FHOD3: variants seen among roughly 807,000 people sequenced by gnomAD.
FHOD3 encodes formin homology 2 domain containing 3, also known as FH1/FH2 domain-containing protein 3.
FHOD3 carries 90 observed loss-of-function variants against 173.0 expected under a neutral mutation model. The ratio of observed to expected loss-of-function variants is 0.52; its 90% CI spans 0.44 to 0.62. FHOD3 has a LOEUF of 0.62. Ranked by LOEUF, FHOD3 falls within the 20% of genes least tolerant of loss-of-function variation. The probability of loss-of-function intolerance (pLI) is 0.00; values close to 1 mark genes in which losing one functional copy is unlikely to be tolerated. For missense variants in FHOD3, 1,945 were observed against 2,034.7 expected, an observed-to-expected ratio of 0.96 and a Z score of 0.85; for synonymous variants, 828 against 823.0, an observed-to-expected ratio of 1.01 and a Z score of -0.10.
chr18:36,570,320 C>A (rs1192218284), intron 5 of FHOD3, among the ~76,000 whole-genome samples: 1 of 151,986 alleles, frequency 6.6e-6, no homozygotes, highest in Non-Finnish European at 1.5e-5. Context: ...TCCTTAAAAA[C>A]CACAAACTAC....
chr18:36,548,565 C>T (rs1204421774), intron 5 of FHOD3, among the ~76,000 whole-genome samples: 3 of 152,214 alleles, frequency 2.0e-5, no homozygotes, highest in Admixed American at 6.5e-5. Context: ...TCTGCTTCAA[C>T]GACTTGGGAT....
At chr18:36,775,457 A>G (rs1184413411) in intron 28 of FHOD3, among the ~76,000 whole-genome samples, 1 of 152,014 alleles carries the variant, frequency 6.6e-6, no homozygotes, top group Non-Finnish European at 1.5e-5. Context: ...CTTCTCTACC[A>G]CTAAGTGTGA....
intron 2 of FHOD3, among the ~76,000 whole-genome samples, chr18:36,370,407 G>A (rs770784034): frequency 1.3e-5 from 2 of 151,912 alleles, no homozygotes; most frequent in African/African-American, 4.8e-5. Flanking sequence ...CTCGGCATCC[G>A]GAAAAGATGA....
chr18:36,378,339 A>G (rs2047550362), intron 3 of FHOD3, among the ~76,000 whole-genome samples: 1 of 152,176 alleles, frequency 6.6e-6, no homozygotes. Context: ...TTTCTAGGTA[A>G]GAATGAGCTC....
chr18:36,509,896 C>T (rs868403419), intron 4 of FHOD3, among the ~76,000 whole-genome samples: 1 of 152,154 alleles, frequency 6.6e-6, no homozygotes, highest in Non-Finnish European at 1.5e-5. Flanking sequence ...GAAGAAGCTG[C>T]TTGTTACTAG....
At chr18:36,407,469 C>T (rs1346899823) in intron 3 of FHOD3, among the ~76,000 whole-genome samples, 1 of 152,100 alleles carries the variant, frequency 6.6e-6, no homozygotes, top group Non-Finnish European at 1.5e-5. Flanking sequence ...TTGTTATGAC[C>T]CTCACACTCA....
intron 3 of FHOD3, among the ~76,000 whole-genome samples, chr18:36,383,739 G>T (rs1160732986): frequency 6.6e-6 from 1 of 152,212 alleles, no homozygotes; most frequent in Non-Finnish European, 1.5e-5. Context: ...CTATGAATCA[G>T]AATTACTGTT....
intron 5 of FHOD3, among the ~76,000 whole-genome samples, chr18:36,571,079 C>CACAA (rs373537581): frequency 3.2e-4 from 49 of 152,172 alleles, no homozygotes; most frequent in African/African-American, 1.2e-3. Context: ...TGTTCTTTTT[C>CACAA]ACAAACAGCA....
intron 9 of FHOD3, among the ~76,000 whole-genome samples, chr18:36,620,095 G>A (rs970326589): frequency 2.6e-5 from 4 of 152,148 alleles, no homozygotes; most frequent in African/African-American, 7.2e-5. Flanking sequence ...TTAAGAAAAC[G>A]AATGAATGAG....
At position 36,625,680 on chromosome 18, in the gene FHOD3, C is replaced by T. The variant is rs2034049400; in HGVS notation, c.1127C>T (p.Ala376Val). 1.2e-6 allele frequency: 2 copies of T among 1,611,900 alleles called. No individual in the cohort carries two copies. Among genetic ancestry groups the T allele is most frequent in the Admixed American group, 1.7e-5 (1 of 59,832 alleles). Residue 376 changes from alanine (A) to valine (V), a missense_variant, in exon 10 of 29, where the codon GCC becomes GTC. Physicochemically the swap from Ala to Val is moderately conservative, Grantham distance 64. Around this residue, in one of 5 missense-constraint regions of FHOD3, gnomAD observed 1,099 missense variants for 1,051.2 expected, o/e 1.05. Transcript: ENST00000590592. ...SVQSIKSTLS[A>V]PTSPCSQSAP... ...CAGAGCATCAAGAGCACCCTGTCGG[C>T]CCCCACCAGTCCCTGCTCCCAGTCA...
intron 1 of FHOD3, among the ~76,000 whole-genome samples, chr18:36,303,820 G>C (rs2092018931): frequency 6.6e-6 from 1 of 152,016 alleles, no homozygotes; most frequent in Non-Finnish European, 1.5e-5. Context: ...TCAGAGTCTT[G>C]GGTTTGTCAG....
chr18:36,423,620 G>C (rs999151099), intron 3 of FHOD3, among the ~76,000 whole-genome samples: 1 of 152,154 alleles, frequency 6.6e-6, no homozygotes, highest in East Asian at 1.9e-4. Context: ...CCATAGAGGG[G>C]CTGTGTGCAG....
intron 1 of FHOD3, among the ~76,000 whole-genome samples, chr18:36,345,974 A>G (rs1378818636): frequency 6.6e-6 from 1 of 152,216 alleles, no homozygotes; most frequent in East Asian, 1.9e-4. Flanking sequence ...ATGCCAATGC[A>G]CCTGTGGGAT....
chr18:36,602,530 C>A, intron 7 of FHOD3, 144 bp from the exon 8 acceptor site: 1 of 704,186 alleles, frequency 1.4e-6, no homozygotes, highest in South Asian at 1.6e-5. Flanking sequence ...CAAATCCATC[C>A]TAAGGATAAT....
intron 13 of FHOD3, 62 bp from the exon 14 acceptor site, chr18:36,658,006 GTCTTATT>G: frequency 3.4e-6 from 4 of 1,166,844 alleles, no homozygotes; most frequent in Admixed American, 3.8e-5. Flanking sequence ...GGTTTGCTAA[GTCTTATT>G]TACTGACTTG....
At chr18:36,305,569 G>A (rs1323966488) in intron 1 of FHOD3, among the ~76,000 whole-genome samples, 1 of 152,270 alleles carries the variant, frequency 6.6e-6, no homozygotes, top group Non-Finnish European at 1.5e-5. Context: ...ACCAGAGTGT[G>A]TGGGACAAGC....
chr18:36,664,863 G>T (rs568745178), intron 14 of FHOD3, among the ~76,000 whole-genome samples: 4 of 151,404 alleles, frequency 2.6e-5, no homozygotes, highest in Admixed American at 2.0e-4. Context: ...TGGGCTGGGC[G>T]CAGTAGCTCA....
rs778590885 is a variant in FHOD3 at position 36,718,428 on chromosome 18, A to T, written c.3130A>T (p.Ile1044Phe). The T allele has an allele frequency of 7.4e-7, 1 of 1,344,606 alleles. No individual in the cohort carries two copies. Among genetic ancestry groups the T allele is most frequent in the South Asian group, 1.2e-5 (1 of 86,786 alleles). 83.3% of individuals were successfully genotyped at this position (1,344,606 alleles called of 1,614,324 possible). Residue 1044 changes from isoleucine (I) to phenylalanine (F), a missense_variant, in exon 19 of 29, where the codon ATT (isoleucine) becomes TTT (phenylalanine). By Grantham distance (21) the Ile-to-Phe change is conservative (BLOSUM62 0). Coordinates refer to ENST00000590592, the MANE Select transcript of FHOD3 (RefSeq NM_001281740.3). ...ACCCCCTCCGCCCCTGTTGGACAGC[A>T]TTCCTCCCCCTCCTGTCCCTGGTAA... is the stretch of plus-strand genomic sequence containing the variant. ...PPPPPPLLDS[I>F]PPPPVPGNLL...
intron 3 of FHOD3, among the ~76,000 whole-genome samples, chr18:36,436,351 T>C (rs1353329731): frequency 6.6e-6 from 1 of 152,196 alleles, no homozygotes; most frequent in Non-Finnish European, 1.5e-5. Flanking sequence ...GGGATATTTA[T>C]TGGGATTGCA....
Sources: gnomAD v4.1 joint callset for allele counts (sites outside exome capture counted in the v4.1 genomes callset) on GRCh38, gnomAD v4.1.1 for gene constraint, gnomAD v4.1.1 regional missense constraint, MANE v1.5 for transcripts, NCBI Gene and HGNC (gene_info 2026-07-23, HGNC 2026-07-21) for gene names.